ATRNL1: variants seen among roughly 807,000 people sequenced by gnomAD.
The protein encoded by ATRNL1 is attractin-like protein 1.
A neutral mutation model predicts 182.7 loss-of-function variants in ATRNL1; 95 were observed. The ratio of observed to expected loss-of-function variants is 0.52; its 90% CI spans 0.44 to 0.62. ATRNL1 has a LOEUF of 0.62. Ranked by LOEUF, ATRNL1 falls within the 20% of genes least tolerant of loss-of-function variation. The pLI is 0.00. For missense variants in ATRNL1, 1,471 were observed against 1,679.5 expected (o/e 0.88, Z 2.17); for synonymous variants, 576 against 568.3 (o/e 1.01, Z -0.19).
At chr10:115,261,149 T>C (rs1413733687) in intron 10 of ATRNL1, among the ~76,000 whole-genome samples, 1 of 152,080 alleles carries the variant, frequency 6.6e-6, no homozygotes, top group Non-Finnish European at 1.5e-5. Context: ...GCATAGTGCC[T>C]TACAAAAGCA....
chr10:115,506,510 TAGAAG>T (rs1209308058), intron 24 of ATRNL1, among the ~76,000 whole-genome samples: 18 of 152,016 alleles, frequency 1.2e-4, no homozygotes, highest in African/African-American at 4.3e-4. Context: ...TCTACCAGCC[TAGAAG>T]CTGGAAAAAA....
chr10:115,362,932 T>G (rs1425753088), intron 19 of ATRNL1, among the ~76,000 whole-genome samples: 2 of 152,102 alleles, frequency 1.3e-5, no homozygotes, highest in African/African-American at 4.8e-5. Flanking sequence ...GATGGACATT[T>G]GGGTTGGTTC....
intron 20 of ATRNL1, among the ~76,000 whole-genome samples, chr10:115,403,949 GC>G (rs2134312814): frequency 6.6e-6 from 1 of 152,250 alleles, no homozygotes; most frequent in African/African-American, 2.4e-5. Flanking sequence ...AGTACCAAAA[GC>G]ATACATCTGA....
chr10:115,618,725 G>C (rs1414646217), intron 26 of ATRNL1, among the ~76,000 whole-genome samples: 1 of 152,034 alleles, frequency 6.6e-6, no homozygotes, highest in African/African-American at 2.4e-5. Flanking sequence ...TAGATCACCA[G>C]TTTTTCCCTG....
rs117027586 is a variant in ATRNL1 at position 115,873,823 on chromosome 10, G to C, written c.4018+25832G>C. Among the ~76,000 whole-genome samples the C allele has an allele frequency of 1.5e-3, 236 of 152,270 alleles. 5 individuals carry two copies. The East Asian group carries it at 0.045, about 29-fold the overall frequency. On this transcript the variant is annotated intron_variant, in intron 28 of 28. Transcript: ENST00000355044. ...GTGGACTATTCTCTAATATTTTATT[G>C]AGTGACTTTATTAATTTTAGTGTTT... is the stretch of plus-strand genomic sequence containing the variant.
At chr10:115,417,352 A>T (rs1185591641) in intron 20 of ATRNL1, among the ~76,000 whole-genome samples, 1 of 151,846 alleles carries the variant, frequency 6.6e-6, no homozygotes, top group African/African-American at 2.4e-5. Context: ...CTCACACAAA[A>T]CCCCAGAGGG....
intron 27 of ATRNL1, among the ~76,000 whole-genome samples, chr10:115,818,341 T>C (rs1224523962): frequency 6.6e-6 from 1 of 152,140 alleles, no homozygotes; most frequent in Non-Finnish European, 1.5e-5. Flanking sequence ...GCCTGTTCTG[T>C]CCCTAAACTA....
Position 115,506,742 on chromosome 10 carries a change from C to G in ATRNL1, c.3655-12521C>G, listed in dbSNP as rs565454187. Among the ~76,000 whole-genome samples, 9 of 152,116 alleles carry G rather than the reference C, an allele frequency of 5.9e-5. No homozygotes were observed. The East Asian group carries it at 1.7e-3, about 29-fold the overall frequency. ...AGGGATTCTCTGGACGGTATGCTCCCAGACCTCAGCAAATTGTCCTATTGG... is the reference window on the plus strand; with the variant it reads ...AGGGATTCTCTGGACGGTATGCTCCGAGACCTCAGCAAATTGTCCTATTGG... On this transcript the variant is annotated intron_variant, in intron 24 of 28. Transcript: ENST00000355044.
chr10:115,264,084 T>C (rs1467710061), intron 10 of ATRNL1, among the ~76,000 whole-genome samples: 1 of 87,556 alleles, frequency 1.1e-5, no homozygotes, highest in Admixed American at 1.0e-4. Flanking sequence ...CATCATTCTC[T>C]TTTTTTTTTT....
At chr10:115,637,603 C>CTATTATTAT (rs3087071) in intron 26 of ATRNL1, among the ~76,000 whole-genome samples, 28,322 of 141,570 alleles carry the variant, frequency 0.2, 3,146 homozygotes, top group Admixed American at 0.32. Flanking sequence ...CAATTTATTA[C>CTATTATTAT]TATTATTATT....
chr10:115,593,728 T>G (rs1362083809), intron 26 of ATRNL1, among the ~76,000 whole-genome samples: 1 of 152,222 alleles, frequency 6.6e-6, no homozygotes, highest in Non-Finnish European at 1.5e-5. Flanking sequence ...TGAACAATTG[T>G]ATCTAAAATT....
chr10:115,563,891 A>G (rs941752112), intron 26 of ATRNL1, among the ~76,000 whole-genome samples: 3 of 152,068 alleles, frequency 2.0e-5, no homozygotes, highest in Non-Finnish European at 2.9e-5. Context: ...ACCAAAGAGG[A>G]TATCTTAAAA....
chr10:115,327,234 A>T (rs1314866998), intron 18 of ATRNL1, among the ~76,000 whole-genome samples: 12 of 151,540 alleles, frequency 7.9e-5, no homozygotes, highest in African/African-American at 2.2e-4. Flanking sequence ...AAACAAATTT[A>T]CAAGAAAAAA....
At chr10:115,387,802 G>T (rs1843744157) in intron 19 of ATRNL1, among the ~76,000 whole-genome samples, 4 of 151,980 alleles carry the variant, frequency 2.6e-5, no homozygotes, top group South Asian at 4.2e-4. Context: ...CCATTGTATG[G>T]ATATTTTATC....
Position 115,317,376 on chromosome 10 carries a change from G to A in ATRNL1, c.3037+1640G>A, listed in dbSNP as rs1554930017. Among the ~76,000 whole-genome samples the A allele has an allele frequency of 2.0e-5, 3 of 152,228 alleles. No individual in the cohort carries two copies. In the South Asian group the frequency reaches 6.2e-4, roughly 32 times the overall value. Reference sequence around the variant, plus strand: ...CTTAGGATCGTCTTGGCTATATGGGGTCTTCTTTAATTCCATATGAAATTT... The same window carrying A: ...CTTAGGATCGTCTTGGCTATATGGGATCTTCTTTAATTCCATATGAAATTT... On this transcript the variant is annotated intron_variant, in intron 18 of 28. Coordinates refer to ENST00000355044, the MANE Select transcript of ATRNL1 (RefSeq NM_207303.4).
At chr10:115,729,112 A>G (rs917488640) in intron 27 of ATRNL1, among the ~76,000 whole-genome samples, 1 of 152,236 alleles carries the variant, frequency 6.6e-6, no homozygotes, top group Non-Finnish European at 1.5e-5. Context: ...AGGAACAAAT[A>G]TGACACAGAC....
At chr10:115,531,661 T>C (rs1200706923) in intron 25 of ATRNL1, among the ~76,000 whole-genome samples, 11 of 151,302 alleles carry the variant, frequency 7.3e-5, no homozygotes, top group Middle Eastern at 3.4e-3. Flanking sequence ...TTTTGGCTTT[T>C]GTTGCCATTG....
At chr10:115,750,957 T>G (rs2134119616) in intron 27 of ATRNL1, among the ~76,000 whole-genome samples, 1 of 152,122 alleles carries the variant, frequency 6.6e-6, no homozygotes, top group African/African-American at 2.4e-5. Context: ...AAAACATACT[T>G]GTGGTAAGCA....
In ATRNL1 at chr10:115,946,499, A is replaced by G. The variant is rs1383520223; in HGVS notation, c.*1720A>G. On this transcript the variant is annotated 3_prime_UTR_variant, in exon 29 of 29. Transcript: ENST00000355044. ...TAATTAGGCATTTATGAATTATAGT[A>G]TATATTCCTCATGTTGGCATGATAA... 8 of 152,190 alleles carry G rather than the reference A, an allele frequency of 5.3e-5. No homozygotes were observed. The highest frequency in any genetic ancestry group is 1.7e-4 in the African/African-American group (7 of 41,452). The allele number at this position is 152,190 out of a possible 1,614,324, so 9.4% of individuals were successfully genotyped here. A position where few individuals can be genotyped will look rare whatever the true frequency, so the allele number is the denominator to read the frequency against.
Sources: allele counts gnomAD v4.1 joint callset (sites outside exome capture counted in the v4.1 genomes callset), GRCh38; gene constraint gnomAD v4.1.1; transcripts MANE v1.5; gene names NCBI Gene and HGNC (gene_info 2026-07-23, HGNC 2026-07-21).